Variants in BEGAIN observed in about 807,000 individuals in gnomAD.
BEGAIN encodes the protein brain-enriched guanylate kinase-associated protein.
A neutral mutation model predicts 35.8 loss-of-function variants in BEGAIN; 19 were observed. The observed-to-expected ratio is 0.53, with a 90% confidence interval of 0.37 to 0.78. The LOEUF (loss-of-function observed/expected upper bound fraction) is 0.78, where lower values mean the gene tolerates loss of function less well. Among genes scored for constraint, BEGAIN ranks in the 30% least tolerant of loss-of-function variants. The probability of loss-of-function intolerance (pLI) is 0.00; values close to 1 mark genes in which losing one functional copy is unlikely to be tolerated. For missense variants in BEGAIN, 795 were observed against 853.6 expected (o/e 0.93, Z 0.85); for synonymous variants, 462 against 388.6 (o/e 1.19, Z -2.22).
intron 3 of BEGAIN, chr14:100,545,560 G>A: frequency 2.1e-6 from 1 of 471,116 alleles, no homozygotes; most frequent in Non-Finnish European, 2.8e-6. Flanking sequence ...AGTGTCAGGT[G>A]GGAATCAGGT....
In BEGAIN at chr14:100,539,227, G is replaced by A; in HGVS notation, c.581C>T (p.Ala194Val). 1 of 1,588,662 alleles carries A rather than the reference G, an allele frequency of 6.3e-7. No individual in the cohort carries two copies. Residue 194 changes from alanine to valine, a missense_variant, in exon 7 of 7, where the codon GCC (alanine) becomes GTC (valine). Coordinates refer to ENST00000554140, the MANE Select transcript of BEGAIN (RefSeq NM_001385089.1). Reference protein sequence around the residue: ...LPSPLCHPAYADSVPTCVIAK... With the variant: ...LPSPLCHPAYVDSVPTCVIAK... ...AATGACGCAGGTGGGGACGCTGTCG[G>A]CGTAGGCCGGGTGGCAGAGCGGGGA...
intron 1 of BEGAIN, among the ~76,000 whole-genome samples, chr14:100,570,109 CT>C (rs930678326): frequency 6.6e-6 from 1 of 152,236 alleles, no homozygotes; most frequent in Non-Finnish European, 1.5e-5. Context: ...AAGGCTGTCT[CT>C]GGTTGCCAAC....
chr14:100,574,299 C>T (rs1161023034), intron 1 of BEGAIN, among the ~76,000 whole-genome samples: 1 of 152,212 alleles, frequency 6.6e-6, no homozygotes, highest in Non-Finnish European at 1.5e-5. Context: ...AATGTCCTTC[C>T]CCTGGGGAAT....
In BEGAIN at chr14:100,587,358, G is replaced by C. The variant is rs1346300534; in HGVS notation, c.-68C>G. ...GCCGCCCCCTCCCCTCCGAGGCCGA[G>C]CGCGCCGGGAGCCGGCGCGGCCGGG... On this transcript the variant is annotated 5_prime_UTR_variant, in exon 1 of 7. Coordinates refer to ENST00000554140, the MANE Select transcript of BEGAIN (RefSeq NM_001385089.1). 2.0e-5 allele frequency: 3 copies of C among 146,532 alleles called. No homozygotes were observed. Among genetic ancestry groups the C allele is most frequent in the Admixed American group, 2.0e-4 (3 of 14,712 alleles). 9.1% of individuals were successfully genotyped at this position (146,532 alleles called of 1,614,324 possible).
chr14:100,571,910 A>T (rs900019819), intron 1 of BEGAIN, among the ~76,000 whole-genome samples: 4 of 152,108 alleles, frequency 2.6e-5, no homozygotes, highest in African/African-American at 9.7e-5. Context: ...ACCCATCTAA[A>T]GCATCGGTGA....
In BEGAIN at chr14:100,546,527, C is replaced by T. The variant is rs527972459; in HGVS notation, c.207G>A (p.Leu69=). Residue 69 remains leucine, a synonymous_variant, in exon 3 of 7, where the codon CTG becomes CTA. Coordinates refer to ENST00000554140, the MANE Select transcript of BEGAIN (RefSeq NM_001385089.1). The stretch of plus-strand genomic sequence containing the variant: ...TGCGCAGCTTCTCCGTGACCTTCTC[C>T]AGTTCCTCCTGCGCGCGCCGCAGCT... ...EIELRRAQEE[L]EKVTEKLRRI... 1 of 1,571,768 alleles carries T rather than the reference C, an allele frequency of 6.4e-7. No individual in the cohort carries two copies. Among genetic ancestry groups the T allele is most frequent in the African/African-American group, 1.4e-5 (1 of 71,364 alleles).
chr14:100,578,856 CTTTT>C lies in BEGAIN; in HGVS notation c.42+8389_42+8392del, dbSNP rs529546763. 4.5e-4 allele frequency among the ~76,000 whole-genome samples: 57 copies of C among 126,994 alleles called. No individual in the cohort carries two copies. In the East Asian group the frequency reaches 0.012, roughly 27 times the overall value. The allele number at this position is 126,994 out of a possible 152,430, so 83.3% of individuals were successfully genotyped here. ...AGCCTTGCATCATCTGCCTCTGGTA[CTTTT>C]TTTTTTTTTTTTTTTTCTGAGATGG... On this transcript the variant is annotated intron_variant, in intron 1 of 6. Transcript: ENST00000554140.
At chr14:100,561,226 C>A (rs902604747) in intron 2 of BEGAIN, among the ~76,000 whole-genome samples, 1 of 152,176 alleles carries the variant, frequency 6.6e-6, no homozygotes, top group African/African-American at 2.4e-5. Flanking sequence ...GAGGGCCCCA[C>A]GCTGCCAGGC....
At chr14:100,544,899 C>A in intron 4 of BEGAIN, 101 bp downstream of exon 4, 1 of 1,169,752 alleles carries the variant, frequency 8.5e-7, no homozygotes, top group South Asian at 1.2e-5. Flanking sequence ...ACCAGCAAGA[C>A]CTGTGTCCCA....
Position 100,573,470 on chromosome 14 carries a change from GGA to G in BEGAIN, c.43-5533_43-5532del, listed in dbSNP as rs995767518. On this transcript the variant is annotated intron_variant, in intron 1 of 6. Coordinates refer to ENST00000554140, the MANE Select transcript of BEGAIN (RefSeq NM_001385089.1). The surrounding 1 kb of genome is among the most constrained non-coding windows in gnomAD (Gnocchi z 4.2). Reference sequence around the variant, plus strand: ...CTTGGCTTCTGCCATGAGGTGGATGGGAGCCCCTGGAGGGATGAATGGGGGCG... The same window carrying G: ...CTTGGCTTCTGCCATGAGGTGGATGGGCCCCTGGAGGGATGAATGGGGGCG... Among the ~76,000 whole-genome samples the G allele has an allele frequency of 6.6e-6, 1 of 152,100 alleles. No homozygotes were observed. Among genetic ancestry groups the G allele is most frequent in the Non-Finnish European group, 1.5e-5 (1 of 67,994 alleles).
chr14:100,577,839 G>A (rs1436547320), intron 1 of BEGAIN: 7 of 399,286 alleles, frequency 1.8e-5, no homozygotes, highest in Non-Finnish European at 2.7e-5. Context: ...GGTCCTGTCT[G>A]TGAGCTTCCT....
At chr14:100,552,724 G>A (rs1006113562) in intron 2 of BEGAIN, among the ~76,000 whole-genome samples, 9 of 152,200 alleles carry the variant, frequency 5.9e-5, no homozygotes, top group Admixed American at 1.3e-4. Flanking sequence ...CAGAGCCAGC[G>A]ATGGCCCCAG....
chr14:100,546,836 GC>G, intron 2 of BEGAIN, 174 bp from the exon 3 acceptor site: 1 of 536,368 alleles, frequency 1.9e-6, no homozygotes, highest in Non-Finnish European at 3.0e-6. Flanking sequence ...AGCCTCCCGG[GC>G]GTCACTGAAG....
chr14:100,564,736 A>C (rs2034555036), intron 2 of BEGAIN, among the ~76,000 whole-genome samples: 1 of 152,096 alleles, frequency 6.6e-6, no homozygotes, highest in African/African-American at 2.4e-5. Flanking sequence ...AGCCTCTGCC[A>C]GGCACTGTGG....
intron 1 of BEGAIN, among the ~76,000 whole-genome samples, chr14:100,575,916 A>C (rs1326138177): frequency 6.6e-6 from 1 of 152,104 alleles, no homozygotes; most frequent in African/African-American, 2.4e-5. Flanking sequence ...GGACTCCCCC[A>C]GGGCCCAGCA....
At chr14:100,577,754 G>A (rs1177227801) in intron 1 of BEGAIN, 6 of 399,042 alleles carry the variant, frequency 1.5e-5, no homozygotes, top group East Asian at 7.1e-5. Context: ...TGGCTGGACC[G>A]AGCTGCCCAG....
chr14:100,573,604 G>A lies in BEGAIN; in HGVS notation c.43-5665C>T, dbSNP rs1411806642. Among the ~76,000 whole-genome samples the A allele has an allele frequency of 1.3e-5, 2 of 151,918 alleles. No individual in the cohort carries two copies. Among genetic ancestry groups the A allele is most frequent in the African/African-American group, 4.8e-5 (2 of 41,344 alleles). On this transcript the variant is annotated intron_variant, in intron 1 of 6. Transcript: ENST00000554140. The surrounding 1 kb of genome is among the most constrained non-coding windows in gnomAD (Gnocchi z 4.2). The stretch of plus-strand genomic sequence containing the variant: ...GTGGGAGGGATTCTCAGATTCCCAG[G>A]CAGTCTAGAAGCAGACATGGAAGGA...
In BEGAIN at chr14:100,568,660, G is replaced by T; in HGVS notation, c.43-721C>A. 1 of 504,920 alleles carries T rather than the reference G, an allele frequency of 2.0e-6. No homozygotes were observed. The highest frequency in any genetic ancestry group is 2.6e-6 in the Non-Finnish European group (1 of 391,336). 31.3% of individuals were successfully genotyped at this position (504,920 alleles called of 1,614,324 possible). A position where few individuals can be genotyped will look rare whatever the true frequency, so the allele number is the denominator to read the frequency against. ...CTGCCCAGCCCCGCTCAGCCGGGCA[G>T]CCCCTCCGCGCGCCGGGCAGGGGGA... On this transcript the variant is annotated intron_variant, in intron 1 of 6. Transcript: ENST00000554140. The surrounding 1 kb of genome is among the most constrained non-coding windows in gnomAD (Gnocchi z 7.5).
chr14:100,578,315 G>A (rs988643613), intron 1 of BEGAIN, among the ~76,000 whole-genome samples: 14 of 152,218 alleles, frequency 9.2e-5, no homozygotes, highest in African/African-American at 2.7e-4. Context: ...TGCCAGGTGC[G>A]GTGCAGGGTG....
Sources: gnomAD v4.1 joint callset for allele counts (sites outside exome capture counted in the v4.1 genomes callset) on GRCh38, gnomAD v4.1.1 for gene constraint, Gnocchi (gnomAD v3.1) non-coding constraint, MANE v1.5 for transcripts, NCBI Gene and HGNC (gene_info 2026-07-23, HGNC 2026-07-21) for gene names.